IQCK: variants seen among roughly 807,000 people sequenced by gnomAD.
IQCK encodes IQ motif containing K, also known as IQ domain-containing protein K.
IQCK carries 29 observed loss-of-function variants against 28.1 expected under a neutral mutation model. That is an observed-to-expected ratio of 1.03 (90% CI 0.77 to 1.41). The LOEUF is 1.41. Among genes scored for constraint, IQCK ranks in the 40% most tolerant of loss-of-function variants. The pLI is 0.00. For synonymous variants in IQCK, 113 were observed against 115.1 expected, an observed-to-expected ratio of 0.98 and a Z score of 0.12; for missense variants, 359 against 314.7, an observed-to-expected ratio of 1.14 and a Z score of -1.07.
At chr16:19,779,390 A>T (rs2055443747) in intron 6 of IQCK, among the ~76,000 whole-genome samples, 1 of 152,244 alleles carries the variant, frequency 6.6e-6, no homozygotes, top group African/African-American at 2.4e-5. Flanking sequence ...GGCCTGAGCA[A>T]CTGGCTGAAT....
chr16:19,851,593 C>G (rs868624594), intron 9 of IQCK, among the ~76,000 whole-genome samples: 13 of 152,130 alleles, frequency 8.5e-5, no homozygotes, highest in African/African-American at 2.2e-4. Context: ...TGTACTGAGT[C>G]TTATTAGTAT....
chr16:19,803,712 G>T lies in IQCK; in HGVS notation c.690+14790G>T, dbSNP rs370748001. On this transcript the variant is annotated intron_variant, in intron 7 of 7. Transcript: ENST00000564186. ...TTGCTGTACAGGCTGAAGTGCAGTGGTGCAATCATAGCTCACTACGGACTT... is the reference window on the plus strand; with the variant it reads ...TTGCTGTACAGGCTGAAGTGCAGTGTTGCAATCATAGCTCACTACGGACTT... Among the ~76,000 whole-genome samples the T allele has an allele frequency of 1.2e-4, 18 of 152,246 alleles. No homozygotes were observed. In the East Asian group the frequency reaches 2.5e-3, roughly 21 times the overall value.
At chr16:19,723,908 C>T (rs777008263) in intron 1 of IQCK, among the ~76,000 whole-genome samples, 5 of 150,880 alleles carry the variant, frequency 3.3e-5, no homozygotes, top group South Asian at 4.2e-4. Context: ...TGCACTGAGC[C>T]GAGATCATGC....
intron 6 of IQCK, among the ~76,000 whole-genome samples, chr16:19,768,815 GTTTA>G (rs1474260077): frequency 2.6e-5 from 4 of 152,272 alleles, no homozygotes; most frequent in African/African-American, 7.2e-5. Context: ...TTGGGCAAGT[GTTTA>G]TTTATCTATT....
At chr16:19,845,206 G>A (rs183380322) in intron 9 of IQCK, among the ~76,000 whole-genome samples, 139 of 152,286 alleles carry the variant, frequency 9.1e-4, no homozygotes, top group African/African-American at 3.2e-3. Flanking sequence ...CAATCCCTAA[G>A]TACAGATTGA....
chr16:19,829,266 C>T (rs1283357199), downstream of IQCK, among the ~76,000 whole-genome samples: 1 of 151,796 alleles, frequency 6.6e-6, no homozygotes, highest in African/African-American at 2.4e-5. Flanking sequence ...GGGCTGCAGC[C>T]CCTCTAGTCT....
At chr16:19,837,304 G>A (rs1264717409) in intron 9 of IQCK, among the ~76,000 whole-genome samples, 1 of 152,130 alleles carries the variant, frequency 6.6e-6, no homozygotes, top group Admixed American at 6.6e-5. Flanking sequence ...GGGAGGCTGA[G>A]GCAGGAGGAT....
chr16:19,761,788 G>T, intron 4 of IQCK: 1 of 185,508 alleles, frequency 5.4e-6, no homozygotes, highest in South Asian at 1.2e-4. Context: ...GCATTCAGCT[G>T]CCTGTATTGA....
chr16:19,850,180 C>T (rs1194515200), intron 9 of IQCK, among the ~76,000 whole-genome samples: 1 of 152,078 alleles, frequency 6.6e-6, no homozygotes, highest in Non-Finnish European at 1.5e-5. Flanking sequence ...CCTTTGTCTG[C>T]GTAACATCAT....
intron 4 of IQCK, among the ~76,000 whole-genome samples, chr16:19,757,468 T>C (rs966139828): frequency 6.6e-6 from 1 of 152,176 alleles, no homozygotes; most frequent in Non-Finnish European, 1.5e-5. Context: ...AGGCCAGCAG[T>C]TGGAGACCAG....
chr16:19,820,766 T>C (rs1376086054), intron 7 of IQCK, among the ~76,000 whole-genome samples: 4 of 151,850 alleles, frequency 2.6e-5, no homozygotes, highest in Admixed American at 1.3e-4. Flanking sequence ...TACTAGTATA[T>C]AATACATTTG....
intron 1 of IQCK, among the ~76,000 whole-genome samples, chr16:19,724,759 C>T (rs1597493751): frequency 6.6e-6 from 1 of 152,228 alleles, no homozygotes; most frequent in East Asian, 1.9e-4. Context: ...GTCTCAATCT[C>T]CTGACCTTGT....
intron 1 of IQCK, among the ~76,000 whole-genome samples, chr16:19,727,328 A>G (rs1408026170): frequency 3.3e-5 from 5 of 152,058 alleles, no homozygotes; most frequent in Middle Eastern, 3.4e-3. Flanking sequence ...TAGTAAATAC[A>G]TTGGAATCCT....
chr16:19,739,816 A>G (rs889877851), intron 4 of IQCK, among the ~76,000 whole-genome samples: 4 of 150,040 alleles, frequency 2.7e-5, no homozygotes, highest in African/African-American at 7.3e-5. Context: ...CCCTGTCTCA[A>G]AAAAAAAAAG....
intron 7 of IQCK, among the ~76,000 whole-genome samples, chr16:19,822,013 C>T (rs1349007600): frequency 6.9e-6 from 1 of 144,796 alleles, no homozygotes; most frequent in Admixed American, 7.1e-5. Context: ...TTGCAGTGAG[C>T]CAAGATCATG....
chr16:19,842,346 CAT>C (rs1375322128), intron 9 of IQCK, among the ~76,000 whole-genome samples: 1 of 152,166 alleles, frequency 6.6e-6, no homozygotes, highest in Non-Finnish European at 1.5e-5. Context: ...CAATGTAAAA[CAT>C]ATTTTTTAAG....
chr16:19,833,070 T>C (rs2056252787), intron 9 of IQCK, among the ~76,000 whole-genome samples: 1 of 152,220 alleles, frequency 6.6e-6, no homozygotes, highest in South Asian at 2.1e-4. Context: ...AACACATCTA[T>C]CACCCTTAGT....
At chr16:19,742,588 A>G (rs1297529767) in intron 4 of IQCK, among the ~76,000 whole-genome samples, 1 of 152,226 alleles carries the variant, frequency 6.6e-6, no homozygotes, top group Admixed American at 6.5e-5. Flanking sequence ...GGGCATTTTT[A>G]TCTGTCACCC....
At chr16:19,833,318 T>C (rs1307671785) in intron 9 of IQCK, among the ~76,000 whole-genome samples, 1 of 152,092 alleles carries the variant, frequency 6.6e-6, no homozygotes, top group Non-Finnish European at 1.5e-5. Flanking sequence ...ACAGTGTCCA[T>C]AAGAAAAAAG....
Sources: gnomAD v4.1 joint callset for allele counts (sites outside exome capture counted in the v4.1 genomes callset) on GRCh38, gnomAD v4.1.1 for gene constraint, MANE v1.5 for transcripts, NCBI Gene and HGNC (gene_info 2026-07-23, HGNC 2026-07-21) for gene names.